The following KCNH1 variants were observed in gnomAD, a reference collection of about 807,000 sequenced individuals.
The protein encoded by KCNH1 is potassium voltage-gated channel subfamily H member 1.
Under a neutral mutation model 69.2 loss-of-function variants are expected in KCNH1, and 27 were observed. That is an observed-to-expected ratio of 0.39 (90% CI 0.29 to 0.54). The LOEUF (loss-of-function observed/expected upper bound fraction) is 0.54, where lower values mean the gene tolerates loss of function less well. Ranked by LOEUF, KCNH1 falls within the 20% of genes least tolerant of loss-of-function variation. The pLI, the probability that KCNH1 is intolerant of heterozygous loss-of-function variation, is 0.68. For synonymous variants in KCNH1, 456 were observed against 487.7 expected (o/e 0.93, Z 0.86); for missense variants, 798 against 1,261.6 (o/e 0.63, Z 5.57).
intron 6 of KCNH1, among the ~76,000 whole-genome samples, chr1:210,957,224 T>C (rs1398005399): frequency 6.6e-6 from 1 of 152,194 alleles, no homozygotes; most frequent in African/African-American, 2.4e-5. Flanking sequence ...TTGTGAAGTC[T>C]TGAGTGAGTT....
rs1035179391 is a variant in KCNH1, at chr1:210,746,332, C to T, written c.2112+29016G>A. ...AATTGTATGAGTAAAGCAGAGATGC[C>T]TCCCCTTTCATTTTACAGATGAGGA... On this transcript the variant is annotated intron_variant, in intron 10 of 10. Transcript: ENST00000271751. 2.6e-5 allele frequency among the ~76,000 whole-genome samples: 4 copies of T among 152,074 alleles called. No homozygotes were observed. In the South Asian group the frequency reaches 6.2e-4, roughly 24 times the overall value.
intron 10 of KCNH1, among the ~76,000 whole-genome samples, chr1:210,735,006 C>G (rs1018068012): frequency 6.6e-6 from 1 of 152,174 alleles, no homozygotes; most frequent in Non-Finnish European, 1.5e-5. Context: ...TAGCCTCATT[C>G]TCTTCTTCTC....
intron 10 of KCNH1, among the ~76,000 whole-genome samples, chr1:210,773,841 A>G (rs1683800912): frequency 6.6e-6 from 1 of 152,308 alleles, no homozygotes; most frequent in East Asian, 1.9e-4. Context: ...GGAACTGAGT[A>G]TCATTGGGTT....
intron 10 of KCNH1, among the ~76,000 whole-genome samples, chr1:210,718,436 ATG>A (rs1342874013): frequency 4.3e-4 from 1 of 2,304 alleles, no homozygotes; most frequent in East Asian, 0.011. Flanking sequence ...ATATACATAT[ATG>A]TATATATATA....
At chr1:210,767,178 A>G (rs1222818825) in intron 10 of KCNH1, among the ~76,000 whole-genome samples, 1 of 152,250 alleles carries the variant, frequency 6.6e-6, no homozygotes, top group Non-Finnish European at 1.5e-5. Flanking sequence ...ACTTGCAAGG[A>G]GGGACTTTGA....
At chr1:210,723,645 A>AT (rs1489489793) in intron 10 of KCNH1, among the ~76,000 whole-genome samples, 2 of 152,116 alleles carry the variant, frequency 1.3e-5, no homozygotes, top group Admixed American at 6.5e-5. Context: ...TGAAATCAAG[A>AT]TTTTTTCCAT....
At chr1:210,962,913 G>A (rs1688319865) in intron 6 of KCNH1, among the ~76,000 whole-genome samples, 1 of 150,308 alleles carries the variant, frequency 6.7e-6, no homozygotes, top group Non-Finnish European at 1.5e-5. Context: ...GGTTACATAT[G>A]AGGTAAAGTA....
chr1:211,072,693 T>C (rs886916896), intron 5 of KCNH1, among the ~76,000 whole-genome samples: 1 of 146,298 alleles, frequency 6.8e-6, no homozygotes, highest in Non-Finnish European at 1.5e-5. Context: ...TTGCAAACTT[T>C]AGGGCAACCA....
intron 10 of KCNH1, among the ~76,000 whole-genome samples, chr1:210,697,289 G>A (rs569604637): frequency 1.3e-5 from 2 of 152,326 alleles, no homozygotes; most frequent in East Asian, 3.9e-4. Flanking sequence ...AGAAACATGG[G>A]CAGGATACCT....
At chr1:211,034,564 C>A (rs1157289651) in intron 5 of KCNH1, among the ~76,000 whole-genome samples, 1 of 152,124 alleles carries the variant, frequency 6.6e-6, no homozygotes, top group African/African-American at 2.4e-5. Context: ...AGGCAATTAC[C>A]ATCAGGAGAA....
At chr1:210,916,600 C>T (rs568203845) in intron 7 of KCNH1, among the ~76,000 whole-genome samples, 1 of 152,312 alleles carries the variant, frequency 6.6e-6, no homozygotes, top group South Asian at 2.1e-4. Flanking sequence ...AATCCTATCT[C>T]TCCTGTCTAC....
At chr1:210,902,674 T>G (rs1435847849) in intron 7 of KCNH1, among the ~76,000 whole-genome samples, 1 of 152,088 alleles carries the variant, frequency 6.6e-6, no homozygotes, top group African/African-American at 2.4e-5. Context: ...CGTGGTGAAG[T>G]GGGCCCTCCA....
rs186670908 is a variant in KCNH1, at chr1:210,995,549, G to A, written c.1032+23234C>T. 5.9e-5 allele frequency among the ~76,000 whole-genome samples: 9 copies of A among 152,272 alleles called. No homozygotes were observed. The East Asian group carries it at 1.5e-3, about 26-fold the overall frequency. On this transcript the variant is annotated intron_variant, in intron 6 of 10. Coordinates refer to ENST00000271751, the MANE Select transcript of KCNH1 (RefSeq NM_172362.3). ...ACCTTACCCAAATGCCTTAGGCCCA[G>A]AAAGGCTGCAGAATTCAGATAGCTA...
chr1:211,074,769 C>T (rs115233965), intron 5 of KCNH1, among the ~76,000 whole-genome samples: 1,776 of 152,186 alleles, frequency 0.012, 45 homozygotes, highest in African/African-American at 0.04. Flanking sequence ...TCCAGTCAGT[C>T]GAAAGGTGTT....
chr1:211,089,239 G>A (rs1229177249), intron 4 of KCNH1, among the ~76,000 whole-genome samples: 6 of 152,138 alleles, frequency 3.9e-5, no homozygotes, highest in African/African-American at 1.4e-4. Context: ...GTAACAAGAT[G>A]GTACTTAATC....
intron 6 of KCNH1, among the ~76,000 whole-genome samples, chr1:210,993,824 G>A (rs977983207): frequency 6.6e-6 from 1 of 152,066 alleles, no homozygotes; most frequent in Non-Finnish European, 1.5e-5. Context: ...GATCTCAAGT[G>A]AGAACAAGAT....
intron 10 of KCNH1, among the ~76,000 whole-genome samples, chr1:210,726,512 A>G (rs1375835553): frequency 1.3e-5 from 2 of 152,170 alleles, no homozygotes; most frequent in Admixed American, 6.5e-5. Flanking sequence ...CTTAGACTCA[A>G]TGCTGACAGG....
At chr1:210,786,361 A>G (rs1476837574) in intron 9 of KCNH1, among the ~76,000 whole-genome samples, 4 of 152,186 alleles carry the variant, frequency 2.6e-5, no homozygotes, top group Non-Finnish European at 5.9e-5. Context: ...ACAATCCATG[A>G]CATTGTCTAT....
intron 10 of KCNH1, among the ~76,000 whole-genome samples, chr1:210,696,455 A>C (rs565496824): frequency 3.5e-4 from 53 of 152,116 alleles, no homozygotes; most frequent in Non-Finnish European, 4.9e-4. Context: ...GTATAGTTTC[A>C]GTTTCTGTTT....
Sources: gnomAD v4.1 joint callset for allele counts (sites outside exome capture counted in the v4.1 genomes callset) on GRCh38, gnomAD v4.1.1 for gene constraint, MANE v1.5 for transcripts, NCBI Gene and HGNC (gene_info 2026-07-23, HGNC 2026-07-21) for gene names.